The following LIPA variants were observed in gnomAD, a reference collection of about 807,000 sequenced individuals.
LIPA encodes lysosomal acid lipase/cholesteryl ester hydrolase.
Under a neutral mutation model 40.6 loss-of-function variants are expected in LIPA, and 26 were observed. That is an observed-to-expected ratio of 0.64 (90% CI 0.47 to 0.89). The LOEUF (loss-of-function observed/expected upper bound fraction) is 0.89. LIPA is among the 40% of genes least tolerant of loss of function. The probability of loss-of-function intolerance (pLI) is 0.00; values close to 1 mark genes in which losing one functional copy is unlikely to be tolerated. For missense variants in LIPA, 455 were observed against 479.6 expected (o/e 0.95, Z 0.48); for synonymous variants, 188 against 168.4 (o/e 1.12, Z -0.90).
chr10:89,237,861 A>G (rs1489825426), intron 3 of LIPA, among the ~76,000 whole-genome samples: 1 of 152,210 alleles, frequency 6.6e-6, no homozygotes, highest in African/African-American at 2.4e-5. Flanking sequence ...CTTGCCCCCA[A>G]ACACATCTTT....
At chr10:89,218,289 C>T (rs905436226) in intron 8 of LIPA, among the ~76,000 whole-genome samples, 6 of 152,180 alleles carry the variant, frequency 3.9e-5, no homozygotes, top group African/African-American at 1.4e-4. Context: ...TAAGAAAACA[C>T]TCTAACATAT....
chr10:89,366,210 G>A (rs1479117052), intron 2 of LIPA, among the ~76,000 whole-genome samples: 2 of 152,164 alleles, frequency 1.3e-5, no homozygotes, highest in Non-Finnish European at 2.9e-5. Context: ...TCTCTTTGAA[G>A]CAGTTGTGAA....
chr10:89,352,356 A>G (rs1042946205), intron 2 of LIPA, among the ~76,000 whole-genome samples: 1 of 152,186 alleles, frequency 6.6e-6, no homozygotes, highest in Non-Finnish European at 1.5e-5. Context: ...CCACCCATGG[A>G]TCACGCTAAC....
At chr10:89,359,813 TCTCACACA>T (rs1277802069) in intron 2 of LIPA, among the ~76,000 whole-genome samples, 1 of 128,426 alleles carries the variant, frequency 7.8e-6, no homozygotes, top group Non-Finnish European at 1.7e-5. Context: ...TCTCTCTCTC[TCTCACACA>T]CACACACACA....
intron 2 of LIPA, chr10:89,392,494 C>A: frequency 4.7e-5 from 7 of 147,640 alleles, no homozygotes; most frequent in Non-Finnish European, 7.1e-5. Context: ...AGCAGGAATT[C>A]CGCTAGCTTT....
At chr10:89,287,852 T>C (rs1843349931) in intron 1 of LIPA, among the ~76,000 whole-genome samples, 1 of 152,196 alleles carries the variant, frequency 6.6e-6, no homozygotes. Context: ...ATCAACCAAA[T>C]TGTTTTGCCT....
chr10:89,264,928 G>A (rs1843227475), intron 1 of LIPA, among the ~76,000 whole-genome samples: 1 of 152,154 alleles, frequency 6.6e-6, no homozygotes, highest in South Asian at 2.1e-4. Context: ...TGGGCTGTTT[G>A]TGCTGAGGGG....
intron 2 of LIPA, among the ~76,000 whole-genome samples, chr10:89,394,691 A>T (rs1844315691): frequency 2.0e-5 from 3 of 150,332 alleles, no homozygotes; most frequent in Admixed American, 1.3e-4. Flanking sequence ...CATGTAAAAT[A>T]AAATTTATCA....
At chr10:89,319,977 T>C (rs533199032) in intron 1 of LIPA, among the ~76,000 whole-genome samples, 5 of 152,184 alleles carry the variant, frequency 3.3e-5, no homozygotes, top group Admixed American at 6.5e-5. Flanking sequence ...CACATGATTA[T>C]CTCAATAGAT....
intron 2 of LIPA, chr10:89,393,269 A>G: frequency 7.8e-7 from 1 of 1,289,716 alleles, no homozygotes. Context: ...CTGGCCTCTT[A>G]CAACAGGTTT....
At chr10:89,308,155 C>G (rs1038435927) in intron 1 of LIPA, 2 of 152,038 alleles carry the variant, frequency 1.3e-5, no homozygotes, top group Admixed American at 1.3e-4. Context: ...ACACTAGAAA[C>G]CAACATAATG....
intron 1 of LIPA, among the ~76,000 whole-genome samples, chr10:89,259,148 A>G (rs1323650569): frequency 3.3e-5 from 5 of 152,230 alleles, no homozygotes; most frequent in Non-Finnish European, 7.3e-5. Context: ...ACTGAATGCC[A>G]TTGTTCCCTT....
Position 89,214,480 on chromosome 10 carries a change from C to A in LIPA, c.*348G>T, listed in dbSNP as rs1233855741. 3 of 211,834 alleles carry A rather than the reference C, an allele frequency of 1.4e-5. No individual in the cohort carries two copies. Among genetic ancestry groups the A allele is most frequent in the Non-Finnish European group, 2.9e-5 (3 of 104,032 alleles). 13.1% of individuals were successfully genotyped at this position (211,834 alleles called of 1,614,324 possible). A position where few individuals can be genotyped will look rare whatever the true frequency, so the allele number is the denominator to read the frequency against. On this transcript the variant is annotated 3_prime_UTR_variant, in exon 10 of 10. Transcript: ENST00000336233. ...ACAACACAATTTTAAAATTCCAACA[C>A]ATATATTACTTTGTCCTATGAAGGG...
upstream of LIPA, among the ~76,000 whole-genome samples, chr10:89,346,660 G>A (rs553060333): frequency 5.1e-4 from 77 of 152,260 alleles, no homozygotes; most frequent in African/African-American, 1.8e-3. Flanking sequence ...CCAGTCTGAC[G>A]CAATAAACAG....
intron 2 of LIPA, among the ~76,000 whole-genome samples, chr10:89,388,113 C>CT (rs146856071): frequency 0.17 from 26,110 of 149,352 alleles, 2,922 homozygotes; most frequent in East Asian, 0.46. Flanking sequence ...GAAAAAAATT[C>CT]TTTTTTTTTT....
upstream of LIPA, among the ~76,000 whole-genome samples, chr10:89,255,494 G>A (rs1054879188): frequency 6.6e-6 from 1 of 152,186 alleles, no homozygotes; most frequent in Non-Finnish European, 1.5e-5. Context: ...TAATGATTTG[G>A]GTGGGGACAC....
At chr10:89,268,718 T>G (rs897364232) in intron 1 of LIPA, among the ~76,000 whole-genome samples, 2 of 152,212 alleles carry the variant, frequency 1.3e-5, no homozygotes, top group Admixed American at 1.3e-4. Context: ...ATGATGTACT[T>G]TATTTAAAAA....
intron 1 of LIPA, chr10:89,306,857 C>A (rs748367775): frequency 6.2e-7 from 1 of 1,614,050 alleles, no homozygotes; most frequent in Non-Finnish European, 8.5e-7. Flanking sequence ...AGTAATGAAT[C>A]TAAGAGAGAA....
chr10:89,387,215 C>T (rs1323155857), intron 2 of LIPA, among the ~76,000 whole-genome samples: 1 of 150,410 alleles, frequency 6.6e-6, no homozygotes, highest in Non-Finnish European at 1.5e-5. Context: ...ACTCGGGAGG[C>T]TGAGGCAGGA....
Sources: allele counts gnomAD v4.1 joint callset (sites outside exome capture counted in the v4.1 genomes callset), GRCh38; gene constraint gnomAD v4.1.1; transcripts MANE v1.5; gene names NCBI Gene and HGNC (gene_info 2026-07-23, HGNC 2026-07-21).